ZYG11A: variants seen among roughly 807,000 people sequenced by gnomAD.
The protein encoded by ZYG11A is protein zyg-11 homolog A.
In ZYG11A, 62 loss-of-function variants were observed where a neutral mutation model predicts 77.2. The ratio of observed to expected loss-of-function variants is 0.80; its 90% CI spans 0.65 to 0.99. ZYG11A has a LOEUF of 0.99. ZYG11A is among the 50% of genes least tolerant of loss of function. The pLI, the probability that ZYG11A is intolerant of heterozygous loss-of-function variation, is 0.00. For synonymous variants in ZYG11A, 315 were observed against 324.6 expected, an observed-to-expected ratio of 0.97 and a Z score of 0.32; for missense variants, 828 against 896.8, an observed-to-expected ratio of 0.92 and a Z score of 0.98.
chr1:52,855,110 C>T (rs1158064080), intron 2 of ZYG11A, among the ~76,000 whole-genome samples: 2 of 152,066 alleles, frequency 1.3e-5, no homozygotes, highest in South Asian at 2.1e-4. Context: ...GATCCGTCTG[C>T]CTTGGCTTCC....
intron 5 of ZYG11A, among the ~76,000 whole-genome samples, chr1:52,865,878 T>C (rs1353369645): frequency 4.6e-5 from 7 of 152,068 alleles, no homozygotes; most frequent in African/African-American, 1.2e-4. Flanking sequence ...TAGGAGTGGT[T>C]ACACAGGGGT....
intron 11 of ZYG11A, among the ~76,000 whole-genome samples, chr1:52,885,465 A>G (rs1040731732): frequency 1.3e-5 from 2 of 151,664 alleles, no homozygotes; most frequent in Non-Finnish European, 2.9e-5. Context: ...TGGCCTCCCA[A>G]AGTGCTGGGA....
In ZYG11A at chr1:52,883,038, T is replaced by C. The variant is rs141883174; in HGVS notation, c.1944+1373T>C. Among the ~76,000 whole-genome samples, 370 of 152,210 alleles carry C rather than the reference T, an allele frequency of 2.4e-3. 1 individual carries two copies. Among genetic ancestry groups the C allele is most frequent in the African/African-American group, 8.1e-3 (337 of 41,564 alleles). ...TGTTCTGAATCCTCTTCTAAAAATA[T>C]AATATCCTGTTTTTGTTTCATAGTT... is the stretch of plus-strand genomic sequence containing the variant. On this transcript the variant is annotated intron_variant, in intron 11 of 13. Transcript: ENST00000371528.
intron 11 of ZYG11A, among the ~76,000 whole-genome samples, chr1:52,884,150 G>T (rs533008285): frequency 1.1e-4 from 16 of 151,910 alleles, no homozygotes; most frequent in African/African-American, 3.9e-4. Context: ...AAAGTGCTGG[G>T]ATTACAGGAG....
intron 1 of ZYG11A, among the ~76,000 whole-genome samples, chr1:52,845,341 T>A (rs1324463338): frequency 6.7e-6 from 1 of 149,592 alleles, no homozygotes; most frequent in Non-Finnish European, 1.5e-5. Flanking sequence ...AGCCTTGCTC[T>A]GTCACTCAGG....
chr1:52,891,558 C>A (rs1214937710), intron 13 of ZYG11A, among the ~76,000 whole-genome samples: 2 of 151,974 alleles, frequency 1.3e-5, no homozygotes, highest in Non-Finnish European at 1.5e-5. Context: ...AAACTCAAAC[C>A]TTATTACCCA....
intron 5 of ZYG11A, 56 bp downstream of exon 5, chr1:52,864,213 C>T: frequency 6.7e-7 from 1 of 1,497,526 alleles, no homozygotes; most frequent in Non-Finnish European, 9.0e-7. Context: ...ATAGTCTCAG[C>T]TCTGTTGCCC....
At chr1:52,855,105 G>A (rs923369300) in intron 2 of ZYG11A, among the ~76,000 whole-genome samples, 15 of 151,846 alleles carry the variant, frequency 9.9e-5, no homozygotes, top group South Asian at 8.3e-4. Flanking sequence ...CAGATGATCC[G>A]TCTGCCTTGG....
intron 3 of ZYG11A, 93 bp downstream of exon 3, chr1:52,857,842 A>G: frequency 6.6e-6 from 7 of 1,062,730 alleles, no homozygotes; most frequent in Non-Finnish European, 9.0e-6. Flanking sequence ...TATTAGGGTT[A>G]CAGAGACAGA....
intron 1 of ZYG11A, among the ~76,000 whole-genome samples, chr1:52,847,447 G>A (rs1360982572): frequency 2.0e-5 from 3 of 151,152 alleles, no homozygotes; most frequent in Non-Finnish European, 2.9e-5. Flanking sequence ...TGATCGGCCC[G>A]CCTTGGCCTC....
chr1:52,853,751 A>G lies in ZYG11A; in HGVS notation c.91-714A>G, dbSNP rs138356775. Among the ~76,000 whole-genome samples, 737 of 152,136 alleles carry G rather than the reference A, an allele frequency of 4.8e-3. 2 individuals carry two copies. The highest frequency in any genetic ancestry group is 7.6e-3 in the Non-Finnish European group (515 of 67,996). ...CAAAGTGGGACTCTATAATAAACCT[A>G]CAAAAAATTAGCTGGGCATGGTGGC... is the stretch of plus-strand genomic sequence containing the variant. On this transcript the variant is annotated intron_variant, in intron 1 of 13. Coordinates refer to ENST00000371528, the MANE Select transcript of ZYG11A (RefSeq NM_001004339.3).
chr1:52,854,723 G>A, intron 2 of ZYG11A, 93 bp downstream of exon 2: 1 of 1,233,254 alleles, frequency 8.1e-7, no homozygotes, highest in Admixed American at 3.1e-5. Flanking sequence ...TTCTCACAAA[G>A]TATTTCCATT....
In ZYG11A at chr1:52,892,830, T is replaced by G; in HGVS notation, c.2153T>G (p.Leu718Trp). 1 of 1,551,682 alleles carries G rather than the reference T, an allele frequency of 6.4e-7. No homozygotes were observed. The highest frequency in any genetic ancestry group is 1.2e-5 in the South Asian group (1 of 84,048). Residue 718 changes from leucine to tryptophan, a missense_variant, in exon 14 of 14, where the codon TTG becomes TGG. Physicochemically the swap from Leu to Trp is moderately conservative, Grantham distance 61. Transcript: ENST00000371528. ...MLVEEEGLQL[L>W]CDIQEHSEAT... ...GTTGAAGAAGAAGGATTGCAGCTTTTGTGTGATATCCAGGAGCACAGTGAG... is the reference window on the plus strand; with the variant it reads ...GTTGAAGAAGAAGGATTGCAGCTTTGGTGTGATATCCAGGAGCACAGTGAG...
chr1:52,881,704 ATC>A (rs1244346955), intron 11 of ZYG11A, 39 bp downstream of exon 11: 1 of 1,418,654 alleles, frequency 7.0e-7, no homozygotes, highest in Admixed American at 2.5e-5. Flanking sequence ...ATCCAGAGTA[ATC>A]TCTAATTACA....
intron 13 of ZYG11A, among the ~76,000 whole-genome samples, chr1:52,891,169 GGATTA>G (rs1313594796): frequency 2.0e-5 from 3 of 151,874 alleles, no homozygotes; most frequent in Non-Finnish European, 4.4e-5. Context: ...CAAAGTGCTG[GGATTA>G]TAGGTGTGAG....
At chr1:52,848,037 T>C (rs1011884917) in intron 1 of ZYG11A, among the ~76,000 whole-genome samples, 1 of 152,012 alleles carries the variant, frequency 6.6e-6, no homozygotes, top group African/African-American at 2.4e-5. Context: ...GCCTGGCTAA[T>C]TTTTTGTATT....
At chr1:52,868,910 A>G (rs1646082497) in intron 8 of ZYG11A, among the ~76,000 whole-genome samples, 1 of 151,760 alleles carries the variant, frequency 6.6e-6, no homozygotes, top group Non-Finnish European at 1.5e-5. Context: ...ATCTCGGCTC[A>G]CTGTAATCTC....
rs1289638197 is a variant in ZYG11A at position 52,886,996 on chromosome 1, C to G, written c.2047C>G (p.Gln683Glu). 1.3e-6 allele frequency: 2 copies of G among 1,550,518 alleles called. No homozygotes were observed. The highest frequency in any genetic ancestry group is 2.0e-5 in the Admixed American group (1 of 50,946). ...TTTCCCGCTCCTTGGCAACTTCTCT[C>G]AACCAGAGGTTCAGCTCTGGGCACT... ...TFFPLLGNFS[Q>E]PEVQLWALWA... is the part of the protein sequence containing the mutation. Residue 683 changes from glutamine (Q) to glutamate (E), a missense_variant, in exon 13 of 14, where the codon CAA becomes GAA. Coordinates refer to ENST00000371528, the MANE Select transcript of ZYG11A (RefSeq NM_001004339.3).
intron 8 of ZYG11A, among the ~76,000 whole-genome samples, chr1:52,873,192 C>T (rs1306606000): frequency 2.0e-5 from 3 of 152,086 alleles, no homozygotes; most frequent in Non-Finnish European, 2.9e-5. Flanking sequence ...TGCATTTGTA[C>T]TCTCAGCTAC....
Sources: allele counts gnomAD v4.1 joint callset (sites outside exome capture counted in the v4.1 genomes callset), GRCh38; gene constraint gnomAD v4.1.1; transcripts MANE v1.5; gene names NCBI Gene and HGNC (gene_info 2026-07-23, HGNC 2026-07-21).